SLC18B1: variants seen among roughly 807,000 people sequenced by gnomAD.
The protein encoded by SLC18B1 is solute carrier family 18 member B1, also known as MFS-type transporter SLC18B1.
A neutral mutation model predicts 53.9 loss-of-function variants in SLC18B1; 62 were observed. That is an observed-to-expected ratio of 1.15 (90% confidence interval 0.94 to 1.42). SLC18B1 has a LOEUF of 1.42. Ranked by LOEUF, SLC18B1 falls within the 40% of genes most tolerant of loss-of-function variation. The pLI is 0.00. For missense variants in SLC18B1, 598 were observed against 547.3 expected, an observed-to-expected ratio of 1.09 and a Z score of -0.93; for synonymous variants, 217 against 200.9, an observed-to-expected ratio of 1.08 and a Z score of -0.68.
In SLC18B1 at chr6:132,789,834, CA is replaced by C. The variant is rs1562270017; in HGVS notation, c.282del (p.Val95TyrfsTer10). ...LLASLVFGNY[L>X]VHIGAKFMFV... The stretch of plus-strand genomic sequence containing the variant: ...AACATAAATTTTGCTCCAATATGTA[CA>C]AGCTATAATAAATGTCAAAGAAGAG... On this transcript the variant is annotated frameshift_variant and splice_region_variant, in exon 4 of 14. Transcript: ENST00000275227. LOFTEE classifies it high-confidence loss of function. 6.2e-7 allele frequency: 1 copy of C among 1,608,682 alleles called. No individual in the cohort carries two copies.
rs1018505949 is a variant in SLC18B1 at position 132,769,674 on chromosome 6, A to G, written c.*596T>C. On this transcript the variant is annotated 3_prime_UTR_variant, in exon 14 of 14. Coordinates refer to ENST00000275227, the MANE Select transcript of SLC18B1 (RefSeq NM_052831.3). ...GTATTGTTATTCTTGTACTTTTCAC[A>G]CAAACAGAATTTTTAGAAAAGCTTA... is the stretch of plus-strand genomic sequence containing the variant. 4 of 152,262 alleles carry G rather than the reference A, an allele frequency of 2.6e-5. No homozygotes were observed. Among genetic ancestry groups the G allele is most frequent in the African/African-American group, 7.2e-5 (3 of 41,472 alleles). 9.4% of individuals were successfully genotyped at this position (152,262 alleles called of 1,614,324 possible).
At chr6:132,798,329 C>T (rs998405818) in intron 1 of SLC18B1, 85 bp downstream of exon 1, 10 of 1,376,362 alleles carry the variant, frequency 7.3e-6, no homozygotes, top group Non-Finnish European at 9.7e-6. Flanking sequence ...ACAGATCAAG[C>T]TATAAGCAAT....
chr6:132,787,631 T>C, intron 4 of SLC18B1, 50 bp from the exon 5 acceptor site: 1 of 1,463,362 alleles, frequency 6.8e-7, no homozygotes. Context: ...TTTCTTTTTT[T>C]TTTTTTCCTT....
At chr6:132,794,436 C>G (rs1350514207) in intron 2 of SLC18B1, among the ~76,000 whole-genome samples, 1 of 151,924 alleles carries the variant, frequency 6.6e-6, no homozygotes, top group Non-Finnish European at 1.5e-5. Context: ...TTAAAAATCC[C>G]AAGTCTGGCC....
chr6:132,798,099 A>G (rs1336167390), intron 1 of SLC18B1, among the ~76,000 whole-genome samples: 1 of 152,232 alleles, frequency 6.6e-6, no homozygotes, highest in Non-Finnish European at 1.5e-5. Flanking sequence ...AAGAAAGGCA[A>G]CAACAATGGG....
In SLC18B1 at chr6:132,789,776, G is replaced by A. The variant is rs771512461; in HGVS notation, c.341C>T (p.Thr114Ile). 2.1e-5 allele frequency: 34 copies of A among 1,612,642 alleles called. No homozygotes were observed. The South Asian group carries it at 2.7e-4, about 13-fold the overall frequency. ...VAGMFVSGGV[T>I]ILFGVLDRVP... Reference sequence around the variant, plus strand: ...GAAAATGACTTACCCAAAGAGAATTGTAACTCCTCCTGAGACAAACATTCC... The same window carrying A: ...GAAAATGACTTACCCAAAGAGAATTATAACTCCTCCTGAGACAAACATTCC... Residue 114 changes from threonine to isoleucine, a missense_variant, in exon 4 of 14, where the codon ACA becomes ATA. Transcript: ENST00000275227.
At chr6:132,794,165 G>A (rs561253671) in intron 2 of SLC18B1, among the ~76,000 whole-genome samples, 1 of 151,054 alleles carries the variant, frequency 6.6e-6, no homozygotes, top group South Asian at 2.1e-4. Flanking sequence ...GTGCAGTGGG[G>A]CGATCTCGGC....
At chr6:132,780,100 C>CT (rs35531173) in intron 6 of SLC18B1, among the ~76,000 whole-genome samples, 49,816 of 145,602 alleles carry the variant, frequency 0.34, 8,516 homozygotes, top group Admixed American at 0.48. Flanking sequence ...GCTTTTTTTT[C>CT]TTTTTTTTTT....
At chr6:132,781,040 A>G (rs1249197194) in intron 6 of SLC18B1, among the ~76,000 whole-genome samples, 1 of 152,206 alleles carries the variant, frequency 6.6e-6, no homozygotes, top group Non-Finnish European at 1.5e-5. Context: ...TTTGAATTGT[A>G]TATACTAAGG....
chr6:132,785,118 AGTGT>A (rs3063220), intron 5 of SLC18B1, among the ~76,000 whole-genome samples: 10,662 of 142,960 alleles, frequency 0.075, 403 homozygotes, highest in African/African-American at 0.086. Context: ...TCTCTCTCTC[AGTGT>A]GTGTGTGTGT....
rs71545048 is a variant in SLC18B1 at position 132,785,897 on chromosome 6, C to CAAAAAAAAA, written c.501+1528_501+1536dup. On this transcript the variant is annotated intron_variant, in intron 5 of 13. Coordinates refer to ENST00000275227, the MANE Select transcript of SLC18B1 (RefSeq NM_052831.3). ...GCAACTCAGCAAGACCCTGTCTCTA[C>CAAAAAAAAA]AAAAAAAAAAAAAAAAAAAGAAAGA... is the stretch of plus-strand genomic sequence containing the variant. Among the ~76,000 whole-genome samples, 506 of 81,008 alleles carry CAAAAAAAAA rather than the reference C, an allele frequency of 6.2e-3. 9 individuals carry two copies. Among genetic ancestry groups the CAAAAAAAAA allele is most frequent in the African/African-American group, 0.019 (436 of 22,578 alleles). 53.1% of individuals were successfully genotyped at this position (81,008 alleles called of 152,430 possible).
At chr6:132,782,959 G>C (rs1247445589) in intron 6 of SLC18B1, among the ~76,000 whole-genome samples, 1 of 151,920 alleles carries the variant, frequency 6.6e-6, no homozygotes, top group Non-Finnish European at 1.5e-5. Flanking sequence ...ATTTTTAGTA[G>C]AGATGGGGTT....
Position 132,774,206 on chromosome 6 carries a change from A to G in SLC18B1, c.989+16T>C. 6.3e-7 allele frequency: 1 copy of G among 1,579,196 alleles called. No homozygotes were observed. Among genetic ancestry groups the G allele is most frequent in the African/African-American group, 1.4e-5 (1 of 73,986 alleles). On this transcript the variant is annotated intron_variant, in intron 9 of 13. Coordinates refer to ENST00000275227, the MANE Select transcript of SLC18B1 (RefSeq NM_052831.3). ...AATGTTATTTGGCCAAACATACAGA[A>G]GAAGAAAAAAATTACCTTTTAATAT... is the stretch of plus-strand genomic sequence containing the variant.
intron 7 of SLC18B1, among the ~76,000 whole-genome samples, chr6:132,776,632 T>C (rs78166053): frequency 0.011 from 1,673 of 152,214 alleles, 29 homozygotes; most frequent in African/African-American, 0.039. Flanking sequence ...GTCAGAAGAG[T>C]AGATTTTTTG....
Position 132,786,267 on chromosome 6 carries a change from C to G in SLC18B1, c.501+1167G>C, listed in dbSNP as rs1377077040. Reference sequence around the variant, plus strand: ...TTAATAAAAAGTGGGAAGAACGTGCCGGGCACGGTGGCTCACGCCTGTAAT... The same window carrying G: ...TTAATAAAAAGTGGGAAGAACGTGCGGGGCACGGTGGCTCACGCCTGTAAT... On this transcript the variant is annotated intron_variant, in intron 5 of 13. Transcript: ENST00000275227. 2.6e-5 allele frequency among the ~76,000 whole-genome samples: 4 copies of G among 152,210 alleles called. No individual in the cohort carries two copies. In the East Asian group the frequency reaches 7.7e-4, roughly 29 times the overall value.
chr6:132,784,050 C>G lies in SLC18B1; in HGVS notation c.541G>C (p.Gly181Arg). ...ETFSGLGLIL[G>R]PPVGGFLYQS... ...TACAAAAAGCCACCTACAGGAGGACCTAGTATTAGCCCCAGTCCAGAAAAA... is the reference window on the plus strand; with the variant it reads ...TACAAAAAGCCACCTACAGGAGGACGTAGTATTAGCCCCAGTCCAGAAAAA... Residue 181 changes from glycine (G) to arginine (R), a missense_variant, in exon 6 of 14, where the codon GGT becomes CGT. By Grantham distance (125) the Gly-to-Arg change is moderately radical. Coordinates refer to ENST00000275227, the MANE Select transcript of SLC18B1 (RefSeq NM_052831.3). The G allele has an allele frequency of 6.2e-7, 1 of 1,605,784 alleles. No individual in the cohort carries two copies. The highest frequency in any genetic ancestry group is 2.3e-5 in the East Asian group (1 of 44,430).
rs774165882 is a variant in SLC18B1, at chr6:132,789,764, C to T, written c.353G>A (p.Gly118Asp). ...FVSGGVTILFGVLDRVPDGPV... is the reference protein window; with the variant it reads ...FVSGGVTILFDVLDRVPDGPV... ...CAAATATAATCAGAAAATGACTTAC[C>T]CAAAGAGAATTGTAACTCCTCCTGA... The change falls in exon 4 of 14, where the codon GGT (glycine) becomes GAT (aspartate). Residue 118 changes from glycine to aspartate, a missense_variant and splice_region_variant. Physicochemically the swap from Gly to Asp is moderately conservative, Grantham distance 94. Transcript: ENST00000275227. The T allele has an allele frequency of 1.9e-5, 30 of 1,609,986 alleles. No individual in the cohort carries two copies. The highest frequency in any genetic ancestry group is 2.5e-6 in the Non-Finnish European group (3 of 1,176,690).
At chr6:132,791,668 G>A (rs1781527464) in intron 2 of SLC18B1, among the ~76,000 whole-genome samples, 1 of 152,150 alleles carries the variant, frequency 6.6e-6, no homozygotes, top group Admixed American at 6.6e-5. Flanking sequence ...CAGAGAGGAT[G>A]GGCCCACAGC....
intron 2 of SLC18B1, among the ~76,000 whole-genome samples, chr6:132,791,975 C>T (rs939395258): frequency 2.6e-5 from 4 of 151,910 alleles, no homozygotes; most frequent in Admixed American, 2.6e-4. Flanking sequence ...CGCCTGTAAT[C>T]CCAGCACTTT....
Sources: allele counts gnomAD v4.1 joint callset (sites outside exome capture counted in the v4.1 genomes callset), GRCh38; gene constraint gnomAD v4.1.1; transcripts MANE v1.5; gene names NCBI Gene and HGNC (gene_info 2026-07-23, HGNC 2026-07-21).